SSH2: variants seen among roughly 807,000 people sequenced by gnomAD.
SSH2 encodes slingshot protein phosphatase 2, also known as protein phosphatase Slingshot homolog 2.
SSH2 carries 37 observed loss-of-function variants against 135.2 expected under a neutral mutation model. The observed-to-expected ratio is 0.27, with a 90% confidence interval of 0.21 to 0.36. The LOEUF is 0.36. SSH2 is among the 10% of genes least tolerant of loss of function. The pLI, the probability that SSH2 is intolerant of heterozygous loss-of-function variation, is 1.00. For missense variants in SSH2, 1,408 were observed against 1,765.3 expected (o/e 0.80, Z 3.63); for synonymous variants, 628 against 646.2 (o/e 0.97, Z 0.43).
chr17:29,815,669 G>C (rs2042545512), intron 2 of SSH2, among the ~76,000 whole-genome samples: 1 of 152,174 alleles, frequency 6.6e-6, no homozygotes, highest in Non-Finnish European at 1.5e-5. Flanking sequence ...TCATCAACAA[G>C]TGAAAGCCTC....
intron 3 of SSH2, chr17:29,761,493 G>C: frequency 1.0e-6 from 1 of 957,416 alleles, no homozygotes; most frequent in Non-Finnish European, 1.2e-6. Context: ...CGGGTCCTGA[G>C]AGCGGAGAGG....
chr17:29,633,245 T>G (rs1232093491), intron 15 of SSH2, among the ~76,000 whole-genome samples: 1 of 152,214 alleles, frequency 6.6e-6, no homozygotes, highest in South Asian at 2.1e-4. Context: ...TGGAGGCTCC[T>G]ATAATCTATA....
intron 2 of SSH2, among the ~76,000 whole-genome samples, chr17:29,806,714 A>G (rs191123229): frequency 6.6e-6 from 1 of 152,340 alleles, no homozygotes; most frequent in East Asian, 1.9e-4. Context: ...GTTGATGGCT[A>G]TACCATACTA....
chr17:29,723,717 G>C (rs183876628), intron 3 of SSH2, among the ~76,000 whole-genome samples: 90 of 152,162 alleles, frequency 5.9e-4, no homozygotes, highest in Non-Finnish European at 1.1e-3. Flanking sequence ...ATTCTGGGGT[G>C]GGGGGTAGGG....
Position 29,673,977 on chromosome 17 carries a change from T to TA in SSH2, c.615-1849dup, listed in dbSNP as rs1473021897. On this transcript the variant is annotated intron_variant, in intron 8 of 15. Transcript: ENST00000540801. ...GAACACTGACAAACATTCTTAGAGC[T>TA]AAAATCTTTGCACACATCCATGTTT... The TA allele has an allele frequency of 2.9e-5, 11 of 380,704 alleles. No homozygotes were observed. The Admixed American group carries it at 3.4e-4, about 12-fold the overall frequency. The allele number at this position is 380,704 out of a possible 1,614,324, so 23.6% of individuals were successfully genotyped here.
chr17:29,690,248 A>T (rs2038408012), intron 5 of SSH2, among the ~76,000 whole-genome samples: 1 of 151,510 alleles, frequency 6.6e-6, no homozygotes, highest in Non-Finnish European at 1.5e-5. Context: ...TCCTAAAAAT[A>T]CAAAAAATTA....
At chr17:29,834,318 C>CA (rs1568002987) in intron 2 of SSH2, among the ~76,000 whole-genome samples, 1 of 152,090 alleles carries the variant, frequency 6.6e-6, no homozygotes, top group African/African-American at 2.4e-5. Flanking sequence ...ATTGAATTGG[C>CA]AGGTAACAAA....
intron 3 of SSH2, among the ~76,000 whole-genome samples, chr17:29,724,554 C>A (rs1472740560): frequency 7.9e-6 from 1 of 126,396 alleles, no homozygotes; most frequent in Non-Finnish European, 1.7e-5. Context: ...AAACAAAACC[C>A]TATTCTAAGG....
intron 2 of SSH2, among the ~76,000 whole-genome samples, chr17:29,814,949 C>CTTTTTTTTTT (rs1027393693): frequency 1.5e-5 from 2 of 132,362 alleles, no homozygotes; most frequent in African/African-American, 2.8e-5. Context: ...CCTTTTCTTT[C>CTTTTTTTTTT]TTTTTTTTTT....
At chr17:29,809,924 C>T (rs1289413627) in intron 2 of SSH2, among the ~76,000 whole-genome samples, 1 of 152,104 alleles carries the variant, frequency 6.6e-6, no homozygotes, top group Non-Finnish European at 1.5e-5. Context: ...CCCTCTAGGA[C>T]TGGGTTCCAC....
At chr17:29,855,943 G>C (rs2065654905) in intron 1 of SSH2, 1 of 274,944 alleles carries the variant, frequency 3.6e-6, no homozygotes, top group Non-Finnish European at 6.9e-6. Context: ...TTGGGAAATA[G>C]AAAGGAAGTG....
At chr17:29,887,474 G>C (rs1385274750) in intron 1 of SSH2, among the ~76,000 whole-genome samples, 2 of 152,124 alleles carry the variant, frequency 1.3e-5, no homozygotes, top group Non-Finnish European at 2.9e-5. Context: ...CCAATCTTTG[G>C]TACGTGCTTT....
chr17:29,710,377 A>G (rs546795522), intron 3 of SSH2, among the ~76,000 whole-genome samples: 2 of 152,272 alleles, frequency 1.3e-5, no homozygotes, highest in African/African-American at 4.8e-5. Context: ...TTATTGTGTA[A>G]TAACGACTGC....
intron 12 of SSH2, among the ~76,000 whole-genome samples, chr17:29,654,568 T>G (rs1043444976): frequency 1.3e-5 from 2 of 152,204 alleles, no homozygotes; most frequent in Non-Finnish European, 2.9e-5. Flanking sequence ...CACAATGAGT[T>G]AGCATGGCAA....
At chr17:29,926,508 T>C (rs2067068459) in intron 1 of SSH2, among the ~76,000 whole-genome samples, 1 of 151,526 alleles carries the variant, frequency 6.6e-6, no homozygotes, top group Admixed American at 6.6e-5. Flanking sequence ...GAGCCGAGAT[T>C]GTGCTGCTGC....
At chr17:29,782,018 G>A (rs986051800) in intron 3 of SSH2, among the ~76,000 whole-genome samples, 5 of 151,722 alleles carry the variant, frequency 3.3e-5, no homozygotes, top group Non-Finnish European at 7.4e-5. Context: ...GCTAATTTTT[G>A]TATTTTTAGT....
chr17:29,656,935 G>C (rs749098309), intron 11 of SSH2, among the ~76,000 whole-genome samples: 2 of 152,040 alleles, frequency 1.3e-5, no homozygotes, highest in Non-Finnish European at 2.9e-5. Flanking sequence ...CTCAATCAAG[G>C]ATAATTCTTC....
intron 14 of SSH2, chr17:29,640,781 T>G (rs1483351824): frequency 1.3e-5 from 2 of 152,150 alleles, no homozygotes; most frequent in African/African-American, 2.4e-5. Flanking sequence ...AAGGGTAACC[T>G]CCATCCTGAA....
At chr17:29,800,099 T>C (rs1182729578) in intron 2 of SSH2, among the ~76,000 whole-genome samples, 5 of 152,012 alleles carry the variant, frequency 3.3e-5, no homozygotes, top group Non-Finnish European at 7.4e-5. Context: ...AAAAAGCAAA[T>C]CAGAACAGTG....
Sources: gnomAD v4.1 joint callset for allele counts (sites outside exome capture counted in the v4.1 genomes callset) on GRCh38, gnomAD v4.1.1 for gene constraint, MANE v1.5 for transcripts, NCBI Gene and HGNC (gene_info 2026-07-23, HGNC 2026-07-21) for gene names.